The following NSG2 variants were observed in gnomAD, a reference collection of about 807,000 sequenced individuals.
The protein encoded by NSG2 is neuronal vesicle trafficking-associated protein 2.
NSG2 carries 4 observed loss-of-function variants against 16.9 expected under a neutral mutation model. The ratio of observed to expected loss-of-function variants is 0.24; its 90% CI spans 0.12 to 0.54. The LOEUF (loss-of-function observed/expected upper bound fraction) is 0.54, where lower values mean the gene tolerates loss of function less well. Ranked by LOEUF, NSG2 falls within the 20% of genes least tolerant of loss-of-function variation. The probability of loss-of-function intolerance (pLI) is 0.95; values close to 1 mark genes in which losing one functional copy is unlikely to be tolerated. For synonymous variants in NSG2, 98 were observed against 88.7 expected, an observed-to-expected ratio of 1.11 and a Z score of -0.59; for missense variants, 179 against 221.1, an observed-to-expected ratio of 0.81 and a Z score of 1.21.
chr5:174,073,335 G>A (rs1169062229), intron 3 of NSG2, among the ~76,000 whole-genome samples: 2 of 152,158 alleles, frequency 1.3e-5, no homozygotes, highest in African/African-American at 4.8e-5. Context: ...ATTATCTGTT[G>A]TCTTGGTTTT....
At chr5:174,066,037 C>CT (rs1229398818) in intron 3 of NSG2, among the ~76,000 whole-genome samples, 4 of 152,096 alleles carry the variant, frequency 2.6e-5, no homozygotes, top group African/African-American at 7.2e-5. Flanking sequence ...GTTTGTTTGT[C>CT]TTTGACTATT....
At position 174,050,400 on chromosome 5, in the gene NSG2, G is replaced by T. The variant is rs79351933; in HGVS notation, c.129+3516G>T. On this transcript the variant is annotated intron_variant, in intron 2 of 4. Coordinates refer to ENST00000303177, the MANE Select transcript of NSG2 (RefSeq NM_015980.5). ...TGTCTGAAGACTTGTTCCAGGCCAG[G>T]GAGGGGACTATGCAGGGCATTCAGG... Among the ~76,000 whole-genome samples, 911 of 152,256 alleles carry T rather than the reference G, an allele frequency of 6.0e-3. 56 individuals are homozygous for T. In the East Asian group the frequency reaches 0.14, roughly 23 times the overall value.
intron 2 of NSG2, among the ~76,000 whole-genome samples, chr5:174,053,921 C>T (rs1759929671): frequency 6.6e-6 from 1 of 152,162 alleles, no homozygotes; most frequent in Admixed American, 6.5e-5. Context: ...CTGTGGGTAG[C>T]ATTTGACTGG....
At chr5:174,081,129 T>C (rs1206736992) in intron 3 of NSG2, among the ~76,000 whole-genome samples, 1 of 152,148 alleles carries the variant, frequency 6.6e-6, no homozygotes, top group African/African-American at 2.4e-5. Context: ...TTATTTCTAA[T>C]AATTTCTTTA....
Position 174,107,914 on chromosome 5 carries a change from G to A in NSG2, c.*409G>A, listed in dbSNP as rs1221269360. 5.4e-6 allele frequency: 2 copies of A among 369,738 alleles called. No homozygotes were observed. Among genetic ancestry groups the A allele is most frequent in the Admixed American group, 7.4e-5 (2 of 27,148 alleles). The allele number at this position is 369,738 out of a possible 1,614,324, so 22.9% of individuals were successfully genotyped here. ...GCAGTGAAGAGCACAGACTCTGTGG[G>A]CTTCTTAGATAAGAAAACGTAGCTT... On this transcript the variant is annotated 3_prime_UTR_variant, in exon 5 of 5. Transcript: ENST00000303177. The surrounding 1 kb of genome is among the most constrained non-coding windows in gnomAD (Gnocchi z 4.5).
Position 174,107,736 on chromosome 5 carries a change from T to C in NSG2, c.*231T>C. ...GATTCGTCGCCGAGTCAGGCTCATG[T>C]ACAAAGGCATGTTTCGTGTTGATTG... On this transcript the variant is annotated 3_prime_UTR_variant, in exon 5 of 5. Transcript: ENST00000303177. The surrounding 1 kb of genome is among the most constrained non-coding windows in gnomAD (Gnocchi z 4.5). The C allele has an allele frequency of 1.5e-6, 1 of 687,252 alleles. No homozygotes were observed. Among genetic ancestry groups the C allele is most frequent in the South Asian group, 1.5e-5 (1 of 66,650 alleles). The allele number at this position is 687,252 out of a possible 1,614,324, so 42.6% of individuals were successfully genotyped here. A position where few individuals can be genotyped will look rare whatever the true frequency, so the allele number is the denominator to read the frequency against.
At chr5:174,077,073 G>A (rs1760356834) in intron 3 of NSG2, among the ~76,000 whole-genome samples, 1 of 152,112 alleles carries the variant, frequency 6.6e-6, no homozygotes, top group Non-Finnish European at 1.5e-5. Context: ...AAGGTTGTAG[G>A]AAGCTCAATA....
intron 3 of NSG2, among the ~76,000 whole-genome samples, chr5:174,066,846 C>T (rs1010241407): frequency 1.6e-4 from 24 of 151,368 alleles, no homozygotes; most frequent in African/African-American, 5.1e-4. Flanking sequence ...AAAAATTAGC[C>T]GGGCGTAGTG....
Position 174,047,733 on chromosome 5 carries a change from C to T in NSG2, c.129+849C>T, listed in dbSNP as rs1181855885. Among the ~76,000 whole-genome samples the T allele has an allele frequency of 3.3e-5, 5 of 152,080 alleles. No homozygotes were observed. The East Asian group carries it at 9.6e-4, about 29-fold the overall frequency. ...GTAGTCCATGAAGAATGGAGGTGGG[C>T]ATTCACACAAAGGTGGGATGGGGGT... On this transcript the variant is annotated intron_variant, in intron 2 of 4. Transcript: ENST00000303177.
chr5:174,097,421 C>T (rs1760814955), intron 3 of NSG2, among the ~76,000 whole-genome samples: 1 of 150,848 alleles, frequency 6.6e-6, no homozygotes, highest in African/African-American at 2.4e-5. Context: ...CGGTTTGGGC[C>T]AGGTTGCCGT....
At chr5:174,047,879 T>C (rs1759826704) in intron 2 of NSG2, among the ~76,000 whole-genome samples, 1 of 152,256 alleles carries the variant, frequency 6.6e-6, no homozygotes, top group African/African-American at 2.4e-5. Flanking sequence ...TGGAGTTCCC[T>C]GGCTTAAGAG....
intron 3 of NSG2, among the ~76,000 whole-genome samples, chr5:174,090,334 G>A (rs1161705766): frequency 1.3e-5 from 2 of 152,186 alleles, no homozygotes; most frequent in Non-Finnish European, 2.9e-5. Context: ...CTTCATTCCC[G>A]CAGCAGTTTC....
chr5:174,088,312 A>G (rs1174054977), intron 3 of NSG2, among the ~76,000 whole-genome samples: 1 of 152,176 alleles, frequency 6.6e-6, no homozygotes, highest in Non-Finnish European at 1.5e-5. Context: ...CTGCAGGCGG[A>G]GAGTCCGTCT....
rs1180500472 is a variant in NSG2 at position 174,080,501 on chromosome 5, TTCTTTCTTTCCC to T, written c.213+16197_213+16208del. On this transcript the variant is annotated intron_variant, in intron 3 of 4. Transcript: ENST00000303177. ...TTTCCCTCTTTCTTTCTTTCCCTCTTTCTTTCTTTCCCTCTTTCTTTCTTTCTCTCTCTCTCT... is the reference window on the plus strand; with the variant it reads ...TTTCCCTCTTTCTTTCTTTCCCTCTTTCTTTCTTTCTTTCTCTCTCTCTCT... Among the ~76,000 whole-genome samples the T allele has an allele frequency of 6.3e-5, 8 of 127,678 alleles. No homozygotes were observed. In the South Asian group the frequency reaches 7.7e-4, roughly 12 times the overall value. The allele number at this position is 127,678 out of a possible 152,430, so 83.8% of individuals were successfully genotyped here.
At chr5:174,085,315 G>T (rs1220562366) in intron 3 of NSG2, among the ~76,000 whole-genome samples, 1 of 152,160 alleles carries the variant, frequency 6.6e-6, no homozygotes, top group Non-Finnish European at 1.5e-5. Flanking sequence ...GTGGCGTCGT[G>T]TACTGAAGGT....
chr5:174,072,178 C>T lies in NSG2; in HGVS notation c.213+7863C>T, dbSNP rs1456188221. On this transcript the variant is annotated intron_variant, in intron 3 of 4. Transcript: ENST00000303177. The surrounding 1 kb of genome is among the most constrained non-coding windows in gnomAD (Gnocchi z 4.0). ...TGGTTCAACCCACATCACCACCTGT[C>T]CCAGCCCTCTCCCTGATCCCTGGCC... 6.6e-6 allele frequency among the ~76,000 whole-genome samples: 1 copy of T among 152,210 alleles called. No homozygotes were observed. The highest frequency in any genetic ancestry group is 1.9e-4 in the East Asian group (1 of 5,194).
intron 3 of NSG2, among the ~76,000 whole-genome samples, chr5:174,065,429 G>C (rs143464214): frequency 3.4e-4 from 52 of 152,268 alleles, no homozygotes; most frequent in African/African-American, 1.2e-3. Context: ...ACAGTTCCAA[G>C]CATTGAAGGC....
intron 3 of NSG2, among the ~76,000 whole-genome samples, chr5:174,076,958 A>C (rs1426815609): frequency 6.6e-6 from 1 of 152,192 alleles, no homozygotes; most frequent in Non-Finnish European, 1.5e-5. Flanking sequence ...CACGCCACCA[A>C]GGATAAGTCA....
intron 2 of NSG2, among the ~76,000 whole-genome samples, chr5:174,052,115 C>G (rs1759898533): frequency 6.6e-6 from 1 of 152,192 alleles, no homozygotes; most frequent in African/African-American, 2.4e-5. Flanking sequence ...GTCTTCTGAT[C>G]TCCTCTACTT....
Sources: allele counts gnomAD v4.1 joint callset (sites outside exome capture counted in the v4.1 genomes callset), GRCh38; gene constraint gnomAD v4.1.1; non-coding constraint Gnocchi (gnomAD v3.1); transcripts MANE v1.5; gene names NCBI Gene and HGNC (gene_info 2026-07-23, HGNC 2026-07-21).